The following LOC128125817 variants were observed in gnomAD, a reference collection of about 807,000 sequenced individuals.
chr1:41,625,711 G>A, the LOC128125817 span, among the ~76,000 whole-genome samples: 1 of 151,814 alleles, frequency 6.6e-6, no homozygotes, highest in South Asian at 2.1e-4. Flanking sequence ...CTCTAGCCTG[G>A]GCAACAGAGC....
At chr1:41,585,518 C>G in the LOC128125817 span, among the ~76,000 whole-genome samples, 3 of 152,244 alleles carry the variant, frequency 2.0e-5, no homozygotes, top group East Asian at 3.9e-4. Context: ...TTTCCTCCCC[C>G]GCTCCCATGT....
the LOC128125817 span, among the ~76,000 whole-genome samples, chr1:41,625,675 C>T: frequency 7.2e-5 from 11 of 152,148 alleles, no homozygotes; most frequent in Admixed American, 2.0e-4. Context: ...TTTGAGGCTG[C>T]AGTGAGCTAT....
At chr1:41,593,180 C>T in the LOC128125817 span, among the ~76,000 whole-genome samples, 1 of 152,226 alleles carries the variant, frequency 6.6e-6, no homozygotes, top group Non-Finnish European at 1.5e-5. Flanking sequence ...TTTTAAACCA[C>T]TGCAGAATTG....
chr1:41,617,537 G>A, the LOC128125817 span, among the ~76,000 whole-genome samples: 9 of 152,344 alleles, frequency 5.9e-5, no homozygotes, highest in African/African-American at 2.2e-4. Context: ...TGCTCCTGAG[G>A]GCTGGTCCAG....
chr1:41,595,661 AT>A, the LOC128125817 span, among the ~76,000 whole-genome samples: 1 of 152,144 alleles, frequency 6.6e-6, no homozygotes, highest in Non-Finnish European at 1.5e-5. Context: ...GGAGATTAAC[AT>A]TTGAGTCAGT....
At chr1:41,588,382 C>A in the LOC128125817 span, among the ~76,000 whole-genome samples, 35 of 152,256 alleles carry the variant, frequency 2.3e-4, no homozygotes, top group African/African-American at 8.4e-4. Flanking sequence ...GTGAAATGAT[C>A]AATCTGAGTG....
chr1:41,599,884 G>A, the LOC128125817 span, among the ~76,000 whole-genome samples: 4 of 152,106 alleles, frequency 2.6e-5, no homozygotes, highest in African/African-American at 9.6e-5. Flanking sequence ...CAAGCAAAAC[G>A]ATTTTTAAAA....
At chr1:41,591,524 A>G in the LOC128125817 span, among the ~76,000 whole-genome samples, 15 of 152,172 alleles carry the variant, frequency 9.9e-5, 1 homozygote, top group South Asian at 3.1e-3. Context: ...AACCCAGGGC[A>G]CAAGCTAGAA....
chr1:41,594,612 A>G, the LOC128125817 span, among the ~76,000 whole-genome samples: 1 of 152,074 alleles, frequency 6.6e-6, no homozygotes, highest in African/African-American at 2.4e-5. Context: ...TTGGGAGACT[A>G]TTTTTCTGGT....
the LOC128125817 span, among the ~76,000 whole-genome samples, chr1:41,595,849 T>C: frequency 6.6e-6 from 1 of 152,200 alleles, no homozygotes; most frequent in African/African-American, 2.4e-5. Context: ...GACGCCAAGT[T>C]CTTCAGCTTT....
the LOC128125817 span, among the ~76,000 whole-genome samples, chr1:41,618,047 C>T: frequency 2.1e-3 from 326 of 152,320 alleles, 1 homozygote; most frequent in South Asian, 4.8e-3. Flanking sequence ...AACCATCTTA[C>T]TAGAAAGGCG....
At chr1:41,623,782 C>T in the LOC128125817 span, among the ~76,000 whole-genome samples, 1 of 152,240 alleles carries the variant, frequency 6.6e-6, no homozygotes, top group African/African-American at 2.4e-5. Context: ...GGCCCTCCTC[C>T]TCCTGTGCCA....
chr1:41,591,550 G>A, the LOC128125817 span, among the ~76,000 whole-genome samples: 1 of 151,976 alleles, frequency 6.6e-6, no homozygotes, highest in African/African-American at 2.4e-5. Context: ...AATCATGGAT[G>A]AAAATCATCA....
chr1:41,614,195 T>G, the LOC128125817 span, among the ~76,000 whole-genome samples: 2 of 152,222 alleles, frequency 1.3e-5, no homozygotes, highest in African/African-American at 2.4e-5. Context: ...CAGAAACAGA[T>G]AGCACATGGG....
At chr1:41,604,145 C>G in the LOC128125817 span, among the ~76,000 whole-genome samples, 3 of 152,072 alleles carry the variant, frequency 2.0e-5, no homozygotes, top group African/African-American at 7.2e-5. Flanking sequence ...ACACACCTAC[C>G]CTCAGACCCA....
the LOC128125817 span, among the ~76,000 whole-genome samples, chr1:41,623,614 G>A: frequency 6.6e-6 from 1 of 152,154 alleles, no homozygotes; most frequent in African/African-American, 2.4e-5. Context: ...CTGAGTGAAG[G>A]GCAGGTGGCC....
chr1:41,609,086 G>A, the LOC128125817 span, among the ~76,000 whole-genome samples: 6 of 151,878 alleles, frequency 4.0e-5, no homozygotes, highest in Non-Finnish European at 8.8e-5. Context: ...GGTTTTCACT[G>A]TCATCATACC....
the LOC128125817 span, among the ~76,000 whole-genome samples, chr1:41,598,999 T>A: frequency 3.9e-5 from 6 of 152,026 alleles, no homozygotes; most frequent in African/African-American, 1.4e-4. Context: ...TATCTTTTTT[T>A]AGAGATGGGG....
the LOC128125817 span, among the ~76,000 whole-genome samples, chr1:41,597,543 C>T: frequency 6.6e-6 from 1 of 152,098 alleles, no homozygotes; most frequent in South Asian, 2.1e-4. Context: ...ATTATCATTC[C>T]CATTTTACAG....
Sources: allele counts gnomAD v4.1 joint callset (sites outside exome capture counted in the v4.1 genomes callset), GRCh38; gene constraint gnomAD v4.1.1; transcripts MANE v1.5.